TRDN: variants seen among roughly 807,000 people sequenced by gnomAD.
The protein encoded by TRDN is triadin in skeletal muscle.
Under a neutral mutation model 149.7 loss-of-function variants are expected in TRDN, and 161 were observed. The observed-to-expected ratio is 1.08, with a 90% CI of 0.95 to 1.23. The LOEUF (loss-of-function observed/expected upper bound fraction) is 1.23, where lower values mean the gene tolerates loss of function less well. Ranked by LOEUF, TRDN falls within the 50% of genes most tolerant of loss-of-function variation. The pLI is 0.00. For missense variants in TRDN, 896 were observed against 823.5 expected, an observed-to-expected ratio of 1.09 and a Z score of -1.08; for synonymous variants, 294 against 250.5, an observed-to-expected ratio of 1.17 and a Z score of -1.64.
chr6:123,311,362 G>C (rs1269071530), intron 24 of TRDN, among the ~76,000 whole-genome samples: 5 of 151,920 alleles, frequency 3.3e-5, no homozygotes, highest in Non-Finnish European at 7.4e-5. Flanking sequence ...GAGGATTATG[G>C]GGATTACAAT....
chr6:123,260,642 T>C lies in TRDN; in HGVS notation c.1805-4A>G. 1 of 916,350 alleles carries C rather than the reference T, an allele frequency of 1.1e-6. No individual in the cohort carries two copies. The highest frequency in any genetic ancestry group is 2.9e-5 in the South Asian group (1 of 34,318). 56.8% of individuals were successfully genotyped at this position (916,350 alleles called of 1,614,324 possible). On this transcript the variant is annotated splice_region_variant and splice_polypyrimidine_tract_variant and intron_variant, in intron 33 of 40. Transcript: ENST00000334268. ...TCTGTGACTTCTGATGTTCCTTCTTTAGAAAAAAAAAAAAAAAGAATGTAG... is the reference window on the plus strand; with the variant it reads ...TCTGTGACTTCTGATGTTCCTTCTTCAGAAAAAAAAAAAAAAAGAATGTAG...
At chr6:123,373,503 C>G (rs904927702) in intron 19 of TRDN, among the ~76,000 whole-genome samples, 1 of 152,078 alleles carries the variant, frequency 6.6e-6, no homozygotes, top group South Asian at 2.1e-4. Context: ...GATGTACGTC[C>G]CAAGCTTGTC....
Position 123,316,507 on chromosome 6 carries a change from C to A in TRDN, c.1472-12G>T, listed in dbSNP as rs375364108. The A allele has an allele frequency of 4.4e-6, 7 of 1,608,812 alleles. No individual in the cohort carries two copies. The highest frequency in any genetic ancestry group is 3.3e-5 in the South Asian group (3 of 90,882). On this transcript the variant is annotated splice_polypyrimidine_tract_variant and intron_variant, in intron 23 of 40. Transcript: ENST00000334268. ...TTTAGTTTCAGGTTCTGGGGCAAAA[C>A]GTACACATAAACACGTACAAACAAA...
chr6:123,502,413 T>C, intron 8 of TRDN: 1 of 616,436 alleles, frequency 1.6e-6, no homozygotes, highest in Non-Finnish European at 2.0e-6. Flanking sequence ...ATGACTTATA[T>C]CTTAAAATAA....
intron 9 of TRDN, among the ~76,000 whole-genome samples, chr6:123,479,925 G>A (rs1050447979): frequency 5.9e-5 from 9 of 151,928 alleles, no homozygotes; most frequent in African/African-American, 2.2e-4. Context: ...TTTATTTGAG[G>A]ATAACTTAAA....
intron 24 of TRDN, among the ~76,000 whole-genome samples, chr6:123,282,228 G>C (rs1777609954): frequency 6.6e-6 from 1 of 151,772 alleles, no homozygotes; most frequent in Non-Finnish European, 1.5e-5. Flanking sequence ...ACTATATATA[G>C]TTCTACATAT....
chr6:123,499,130 A>G (rs77917263), intron 8 of TRDN, among the ~76,000 whole-genome samples: 1 of 152,322 alleles, frequency 6.6e-6, no homozygotes, highest in East Asian at 1.9e-4. Context: ...GAGGCACTAT[A>G]GACTCCCATG....
At chr6:123,260,286 T>C (rs1222116898) in intron 34 of TRDN, among the ~76,000 whole-genome samples, 1 of 152,086 alleles carries the variant, frequency 6.6e-6, no homozygotes, top group Non-Finnish European at 1.5e-5. Flanking sequence ...AAATGTAACA[T>C]AATATTTCTA....
chr6:123,477,045 A>C (rs9375254), intron 9 of TRDN, among the ~76,000 whole-genome samples: 56,744 of 62,448 alleles, frequency 0.91, 25,870 homozygotes, highest in South Asian at 0.96. Flanking sequence ...GCAACAAAAG[A>C]CAAAATTGAC....
intron 1 of TRDN, 50 bp from the exon 2 acceptor site, chr6:123,571,182 T>C: frequency 1.3e-6 from 2 of 1,586,488 alleles, no homozygotes; most frequent in Non-Finnish European, 1.7e-6. Context: ...TCATGGTAAA[T>C]ATTGATGATG....
intron 9 of TRDN, among the ~76,000 whole-genome samples, chr6:123,484,887 C>G (rs1777910745): frequency 6.6e-6 from 1 of 152,156 alleles, no homozygotes; most frequent in Non-Finnish European, 1.5e-5. Context: ...TATTCACTAG[C>G]CTTCTCCAAA....
At chr6:123,635,931 T>C (rs1019886609) in intron 1 of TRDN, among the ~76,000 whole-genome samples, 4 of 151,732 alleles carry the variant, frequency 2.6e-5, no homozygotes, top group African/African-American at 9.7e-5. Flanking sequence ...GAAATATAAA[T>C]ATATATAACT....
At chr6:123,337,253 T>A (rs1779906094) in intron 22 of TRDN, among the ~76,000 whole-genome samples, 1 of 152,086 alleles carries the variant, frequency 6.6e-6, no homozygotes, top group South Asian at 2.1e-4. Context: ...TTGGGATATA[T>A]TATGCACTAA....
chr6:123,293,920 A>C (rs921643125), intron 24 of TRDN, among the ~76,000 whole-genome samples: 3 of 152,078 alleles, frequency 2.0e-5, no homozygotes, highest in African/African-American at 7.2e-5. Flanking sequence ...AATAGGGTTG[A>C]TTCCGGCAGG....
chr6:123,560,118 G>C (rs73605537), intron 2 of TRDN, among the ~76,000 whole-genome samples: 1 of 152,174 alleles, frequency 6.6e-6, no homozygotes, highest in African/African-American at 2.4e-5. Flanking sequence ...TTATGTCTGC[G>C]TGCGGCGGCT....
intron 1 of TRDN, among the ~76,000 whole-genome samples, chr6:123,613,561 T>C (rs1186609395): frequency 6.6e-6 from 1 of 152,168 alleles, no homozygotes; most frequent in Non-Finnish European, 1.5e-5. Flanking sequence ...CAGCTTGCAG[T>C]GCCTTGTAGA....
rs200844757 is a variant in TRDN at position 123,343,500 on chromosome 6, GA to G, written c.1370-5832del. On this transcript the variant is annotated intron_variant, in intron 21 of 40. Transcript: ENST00000334268. ...ATTGAAGAAATATAATTGAATATAA[GA>G]AAAAATGTTAACTGAATAATTATTA... Among the ~76,000 whole-genome samples the G allele has an allele frequency of 5.3e-5, 8 of 151,748 alleles. No homozygotes were observed. The East Asian group carries it at 1.5e-3, about 29-fold the overall frequency.
chr6:123,249,606 A>G (rs1455587679), intron 38 of TRDN, among the ~76,000 whole-genome samples: 3 of 152,184 alleles, frequency 2.0e-5, no homozygotes, highest in African/African-American at 7.2e-5. Context: ...GCCATAAAAA[A>G]CAGTAAAATC....
Position 123,316,440 on chromosome 6 carries a change from T to C in TRDN, c.1510+17A>G, listed in dbSNP as rs759411348. 3 of 1,608,706 alleles carry C rather than the reference T, an allele frequency of 1.9e-6. No homozygotes were observed. In the African/African-American group the frequency reaches 4.0e-5, roughly 22 times the overall value. On this transcript the variant is annotated intron_variant, in intron 24 of 40. Coordinates refer to ENST00000334268, the MANE Select transcript of TRDN (RefSeq NM_006073.4). ...CAGAACATCTCCTTGTATGTAAATC[T>C]TACAAAATATCCTTACCTGCTTTGG...
Sources: allele counts gnomAD v4.1 joint callset (sites outside exome capture counted in the v4.1 genomes callset), GRCh38; gene constraint gnomAD v4.1.1; transcripts MANE v1.5; gene names NCBI Gene and HGNC (gene_info 2026-07-23, HGNC 2026-07-21).